FAXC: variants seen among roughly 807,000 people sequenced by gnomAD.
FAXC encodes the protein failed axon connections homolog, metaxin like GST domain containing.
Under a neutral mutation model 41.9 loss-of-function variants are expected in FAXC, and 10 were observed. The ratio of observed to expected loss-of-function variants is 0.24; its 90% CI spans 0.15 to 0.41. FAXC has a LOEUF of 0.41. FAXC is among the 10% of genes least tolerant of loss of function. FAXC has a pLI of 1.00. For missense variants in FAXC, 399 were observed against 510.9 expected, an observed-to-expected ratio of 0.78 and a Z score of 2.11; for synonymous variants, 183 against 183.8, an observed-to-expected ratio of 1.00 and a Z score of 0.03.
chr6:99,284,478 C>T (rs1015990436), intron 5 of FAXC, among the ~76,000 whole-genome samples: 3 of 152,006 alleles, frequency 2.0e-5, no homozygotes, highest in African/African-American at 7.3e-5. Flanking sequence ...TGGCTAGATT[C>T]ACCATCAGCT....
At chr6:99,326,632 G>A (rs1016155261) in intron 3 of FAXC, among the ~76,000 whole-genome samples, 2 of 152,170 alleles carry the variant, frequency 1.3e-5, no homozygotes, top group Non-Finnish European at 2.9e-5. Flanking sequence ...AAAGCTGTGA[G>A]AGGAGATGAG....
At chr6:99,287,115 A>T (rs1771057259) in intron 5 of FAXC, among the ~76,000 whole-genome samples, 1 of 152,188 alleles carries the variant, frequency 6.6e-6, no homozygotes, top group Non-Finnish European at 1.5e-5. Context: ...CCAGAAATAG[A>T]TTAATCACAT....
In FAXC at chr6:99,274,639, A is replaced by G. The variant is rs1770534700; in HGVS notation, c.*6525T>C. ...TTGTTCTGATCCCACAAGACTTATT[A>G]CTTGCAATAAAATCATTTTGACAGG... On this transcript the variant is annotated 3_prime_UTR_variant, in exon 6 of 6. Transcript: ENST00000389677. 6.6e-6 allele frequency: 1 copy of G among 152,258 alleles called. No individual in the cohort carries two copies. The highest frequency in any genetic ancestry group is 6.5e-5 in the Admixed American group (1 of 15,288). 9.4% of individuals were successfully genotyped at this position (152,258 alleles called of 1,614,324 possible). A position where few individuals can be genotyped will look rare whatever the true frequency, so the allele number is the denominator to read the frequency against.
intron 3 of FAXC, among the ~76,000 whole-genome samples, chr6:99,324,924 G>A (rs1772737231): frequency 6.6e-6 from 1 of 152,106 alleles, no homozygotes; most frequent in South Asian, 2.1e-4. Flanking sequence ...GTACATGCCT[G>A]TAGTCCCAGC....
chr6:99,308,923 T>C (rs1215365941), intron 4 of FAXC, among the ~76,000 whole-genome samples: 1 of 152,184 alleles, frequency 6.6e-6, no homozygotes, highest in Admixed American at 6.5e-5. Context: ...TTTAAATAAA[T>C]AGAAATAATT....
At position 99,286,299 on chromosome 6, in the gene FAXC, A is replaced by T. The variant is rs76094382; in HGVS notation, c.941-4846T>A. On this transcript the variant is annotated intron_variant, in intron 5 of 5. Coordinates refer to ENST00000389677, the MANE Select transcript of FAXC (RefSeq NM_032511.4). ...TCGAAGCTAAAAAATATTAATTCAC[A>T]GATCTCCAAATACAAAAACAGGCCA... 2.4e-3 allele frequency among the ~76,000 whole-genome samples: 358 copies of T among 152,334 alleles called. 2 individuals carry two copies. The highest frequency in any genetic ancestry group is 0.014 in the Middle Eastern group (4 of 294).
intron 3 of FAXC, among the ~76,000 whole-genome samples, chr6:99,325,033 A>G (rs1025141673): frequency 6.6e-6 from 1 of 152,146 alleles, no homozygotes; most frequent in Admixed American, 6.5e-5. Flanking sequence ...AATAAATAAA[A>G]ACTCAGAAAT....
chr6:99,306,101 G>A (rs912335366), intron 4 of FAXC, among the ~76,000 whole-genome samples: 1 of 152,086 alleles, frequency 6.6e-6, no homozygotes, highest in African/African-American at 2.4e-5. Context: ...GCGCTATTTA[G>A]ACAGAGACAT....
At chr6:99,293,704 G>GTGTGTGTGTC (rs1283843244) in intron 4 of FAXC, among the ~76,000 whole-genome samples, 57 of 101,982 alleles carry the variant, frequency 5.6e-4, no homozygotes, top group African/African-American at 1.8e-3. Context: ...GTGTGTGTGT[G>GTGTGTGTGTC]TGTGTGTGTC....
At chr6:99,285,265 CT>C (rs919636241) in intron 5 of FAXC, among the ~76,000 whole-genome samples, 2 of 151,920 alleles carry the variant, frequency 1.3e-5, no homozygotes, top group Non-Finnish European at 2.9e-5. Flanking sequence ...TCAAATGAAG[CT>C]TTTTTAAGCA....
chr6:99,331,674 A>G (rs1773031124), intron 3 of FAXC, among the ~76,000 whole-genome samples: 1 of 152,242 alleles, frequency 6.6e-6, no homozygotes, highest in Admixed American at 6.5e-5. Context: ...CTAACAAAGC[A>G]ACAGCTCTGG....
rs375816903 is a variant in FAXC at position 99,349,386 on chromosome 6, C to T, written c.-14G>A. On this transcript the variant is annotated 5_prime_UTR_variant, in exon 1 of 6. Coordinates refer to ENST00000389677, the MANE Select transcript of FAXC (RefSeq NM_032511.4). ...CCCCCAGTGCATGCTGCGCGGCTGG[C>T]TCCGGGCGCCCCTCCCAGGGCCCGC... 2.1e-5 allele frequency: 33 copies of T among 1,592,764 alleles called. No homozygotes were observed. In the African/African-American group the frequency reaches 3.9e-4, roughly 19 times the overall value.
chr6:99,299,086 C>A (rs1771605185), intron 4 of FAXC, among the ~76,000 whole-genome samples: 2 of 152,162 alleles, frequency 1.3e-5, no homozygotes, highest in African/African-American at 4.8e-5. Context: ...AAATTATGGC[C>A]ATATTTATTC....
In FAXC at chr6:99,349,361, C is replaced by A. The variant is rs1773711408; in HGVS notation, c.12G>T (p.Gly4=). 3 of 1,611,108 alleles carry A rather than the reference C, an allele frequency of 1.9e-6. No individual in the cohort carries two copies. Among genetic ancestry groups the A allele is most frequent in the Non-Finnish European group, 2.5e-6 (3 of 1,179,192 alleles). The stretch of plus-strand genomic sequence containing the variant: ...ACGGCCTGGACGAAGCAAAGCCAAC[C>A]CCCCAGTGCATGCTGCGCGGCTGGC... MHW[G]VGFASSRPCV... is the part of the protein sequence containing the mutation. The change falls in exon 1 of 6, where the codon GGG becomes GGT. Residue 4 remains glycine (G), a synonymous_variant. Coordinates refer to ENST00000389677, the MANE Select transcript of FAXC (RefSeq NM_032511.4).
chr6:99,342,843 T>C, intron 2 of FAXC, 55 bp downstream of exon 2: 1 of 1,520,090 alleles, frequency 6.6e-7, no homozygotes, highest in East Asian at 2.3e-5. Flanking sequence ...TTTAGTTAAA[T>C]ACTCATCCCC....
At chr6:99,331,027 C>T (rs1300198675) in intron 3 of FAXC, among the ~76,000 whole-genome samples, 1 of 152,146 alleles carries the variant, frequency 6.6e-6, no homozygotes. Flanking sequence ...TGGCTAAAGG[C>T]TTGAGAACCT....
chr6:99,330,729 A>AACCT (rs1773000069), intron 3 of FAXC, among the ~76,000 whole-genome samples: 1 of 152,218 alleles, frequency 6.6e-6, no homozygotes, highest in Non-Finnish European at 1.5e-5. Context: ...GTATAGACAC[A>AACCT]ACCTAGGAGC....
In FAXC at chr6:99,280,083, A is replaced by G. The variant is rs1382499932; in HGVS notation, c.*1081T>C. 6.6e-6 allele frequency: 1 copy of G among 152,254 alleles called. No homozygotes were observed. Among genetic ancestry groups the G allele is most frequent in the East Asian group, 1.9e-4 (1 of 5,200 alleles). The allele number at this position is 152,254 out of a possible 1,614,324, so 9.4% of individuals were successfully genotyped here. On this transcript the variant is annotated 3_prime_UTR_variant, in exon 6 of 6. Coordinates refer to ENST00000389677, the MANE Select transcript of FAXC (RefSeq NM_032511.4). ...TTTATTCTTCTCAAATAAATCAAAC[A>G]TAGGCAACGTAACACTCTGGAGTCA...
At chr6:99,345,126 C>T (rs563450653) in intron 1 of FAXC, among the ~76,000 whole-genome samples, 96 of 152,242 alleles carry the variant, frequency 6.3e-4, no homozygotes, top group African/African-American at 2.3e-3. Context: ...TGAAATAACT[C>T]GTTTCCATGC....
Sources: gnomAD v4.1 joint callset for allele counts (sites outside exome capture counted in the v4.1 genomes callset) on GRCh38, gnomAD v4.1.1 for gene constraint, MANE v1.5 for transcripts, NCBI Gene and HGNC (gene_info 2026-07-23, HGNC 2026-07-21) for gene names.